The following UBTD1 variants were observed in gnomAD, a reference collection of about 807,000 sequenced individuals.
UBTD1 encodes ubiquitin domain containing 1.
Under a neutral mutation model 21.7 loss-of-function variants are expected in UBTD1, and 19 were observed. The observed-to-expected ratio is 0.87, with a 90% confidence interval of 0.61 to 1.28. The LOEUF is 1.28. UBTD1 is among the 50% of genes most tolerant of loss of function. The pLI is 0.00. For synonymous variants in UBTD1, 116 were observed against 135.1 expected, an observed-to-expected ratio of 0.86 and a Z score of 0.98; for missense variants, 282 against 315.1, an observed-to-expected ratio of 0.89 and a Z score of 0.80.
chr10:97,546,729 G>A (rs77314082), intron 1 of UBTD1, among the ~76,000 whole-genome samples: 4,852 of 152,094 alleles, frequency 0.032, 231 homozygotes, highest in African/African-American at 0.1. Context: ...AGCTCCTCCC[G>A]CCTTGCTCCT....
intron 1 of UBTD1, among the ~76,000 whole-genome samples, chr10:97,561,416 C>G (rs2040692183): frequency 6.6e-6 from 1 of 152,150 alleles, no homozygotes. Flanking sequence ...CAAGCTACTG[C>G]CTTAAAATCC....
chr10:97,559,231 G>A (rs1401281455), intron 1 of UBTD1, among the ~76,000 whole-genome samples: 1 of 152,240 alleles, frequency 6.6e-6, no homozygotes, highest in Non-Finnish European at 1.5e-5. Flanking sequence ...ACTCCAGGCT[G>A]TAGAATTCTG....
At chr10:97,561,170 G>C (rs1313765263) in intron 1 of UBTD1, among the ~76,000 whole-genome samples, 1 of 152,080 alleles carries the variant, frequency 6.6e-6, no homozygotes, top group Non-Finnish European at 1.5e-5. Context: ...GCGTTCCACC[G>C]GGTCAATTTC....
chr10:97,503,250 A>AT (rs1363305445), intron 1 of UBTD1, among the ~76,000 whole-genome samples: 1 of 152,186 alleles, frequency 6.6e-6, no homozygotes, highest in Non-Finnish European at 1.5e-5. Flanking sequence ...CTCTTAATGC[A>AT]TCCCCAGTAG....
Position 97,542,671 on chromosome 10 carries a change from C to T in UBTD1, c.71-25243C>T, listed in dbSNP as rs533178787. ...GCTGCAGTCCCAGGCTGTCTGACTC[C>T]GAAGCCTGTGCTCTTGGCCGGTCGG... On this transcript the variant is annotated intron_variant, in intron 1 of 2. Transcript: ENST00000370664. 1.8e-4 allele frequency among the ~76,000 whole-genome samples: 27 copies of T among 152,314 alleles called. No homozygotes were observed. The East Asian group carries it at 3.3e-3, about 19-fold the overall frequency.
Position 97,510,423 on chromosome 10 carries a change from C to T in UBTD1, c.70+11150C>T, listed in dbSNP as rs2040418893. ...TCCTCCAACTCATTAGCTATGTAAC[C>T]TCGGGTAAGTTATTTTGAATTTTGA... is the stretch of plus-strand genomic sequence containing the variant. On this transcript the variant is annotated intron_variant, in intron 1 of 2. Transcript: ENST00000370664. Among the ~76,000 whole-genome samples, 3 of 152,054 alleles carry T rather than the reference C, an allele frequency of 2.0e-5. No individual in the cohort carries two copies. The South Asian group carries it at 6.2e-4, about 32-fold the overall frequency.
chr10:97,556,615 C>A (rs890097813), intron 1 of UBTD1, among the ~76,000 whole-genome samples: 1 of 152,190 alleles, frequency 6.6e-6, no homozygotes, highest in Non-Finnish European at 1.5e-5. Context: ...TTTCCAATCA[C>A]CTATGGCTAT....
Position 97,532,033 on chromosome 10 carries a change from T to A in UBTD1, c.70+32760T>A, listed in dbSNP as rs149933653. 1.1e-3 allele frequency among the ~76,000 whole-genome samples: 168 copies of A among 152,288 alleles called. 1 individual carries two copies. The highest frequency in any genetic ancestry group is 3.9e-3 in the African/African-American group (162 of 41,564). On this transcript the variant is annotated intron_variant, in intron 1 of 2. Transcript: ENST00000370664. ...CATTGTGATCCTGGGGGCTGGGTAG[T>A]TGGCCATCCTGGCAGGCAGTTGGAG...
chr10:97,551,878 C>G (rs181951064), intron 1 of UBTD1, among the ~76,000 whole-genome samples: 1 of 152,272 alleles, frequency 6.6e-6, no homozygotes, highest in African/African-American at 2.4e-5. Flanking sequence ...TGAAATATAA[C>G]CACTGTTTAC....
At chr10:97,566,296 A>T (rs2040716829) in intron 1 of UBTD1, among the ~76,000 whole-genome samples, 2 of 146,138 alleles carry the variant, frequency 1.4e-5, no homozygotes, top group Non-Finnish European at 3.0e-5. Context: ...TAAAACTATT[A>T]CCTTATTTAT....
At chr10:97,536,255 G>A (rs1419628900) in intron 1 of UBTD1, among the ~76,000 whole-genome samples, 4 of 152,162 alleles carry the variant, frequency 2.6e-5, no homozygotes, top group African/African-American at 9.7e-5. Context: ...GCCTCCCAAA[G>A]TGCTGGGATT....
rs115607068 is a variant in UBTD1, at chr10:97,521,322, A to G, written c.70+22049A>G. Among the ~76,000 whole-genome samples, 458 of 152,264 alleles carry G rather than the reference A, an allele frequency of 3.0e-3. 6 individuals are homozygous for G. The highest frequency in any genetic ancestry group is 0.011 in the African/African-American group (439 of 41,536). On this transcript the variant is annotated intron_variant, in intron 1 of 2. Coordinates refer to ENST00000370664, the MANE Select transcript of UBTD1 (RefSeq NM_024954.5). ...GGAAGTGGCATTTGAGTTCACTTCTAGGTGCTTGGATGCCTGGCACTCATG... is the reference window on the plus strand; with the variant it reads ...GGAAGTGGCATTTGAGTTCACTTCTGGGTGCTTGGATGCCTGGCACTCATG...
chr10:97,501,655 A>G (rs1192460622), intron 1 of UBTD1, among the ~76,000 whole-genome samples: 2 of 152,132 alleles, frequency 1.3e-5, no homozygotes, highest in Non-Finnish European at 2.9e-5. Flanking sequence ...TCCCACTCCT[A>G]CAAGTACTTT....
intron 1 of UBTD1, among the ~76,000 whole-genome samples, chr10:97,562,883 C>G (rs2040699481): frequency 6.6e-6 from 1 of 152,046 alleles, no homozygotes; most frequent in South Asian, 2.1e-4. Flanking sequence ...AAAAACAAAA[C>G]AAAATGGTGG....
At chr10:97,513,325 A>G (rs1350086025) in intron 1 of UBTD1, among the ~76,000 whole-genome samples, 1 of 152,228 alleles carries the variant, frequency 6.6e-6, no homozygotes, top group East Asian at 1.9e-4. Flanking sequence ...ACTTCAAACA[A>G]GACAGCATGT....
rs911253751 is a variant in UBTD1 at position 97,507,966 on chromosome 10, C to A, written c.70+8693C>A. Among the ~76,000 whole-genome samples the A allele has an allele frequency of 2.0e-5, 3 of 152,112 alleles. No homozygotes were observed. The East Asian group carries it at 5.8e-4, about 29-fold the overall frequency. Reference sequence around the variant, plus strand: ...AGGCAGCCAGTCACTAACCAAGTAGCCTGAATCTTAGTTTCCAGCCTGCGC... The same window carrying A: ...AGGCAGCCAGTCACTAACCAAGTAGACTGAATCTTAGTTTCCAGCCTGCGC... On this transcript the variant is annotated intron_variant, in intron 1 of 2. Coordinates refer to ENST00000370664, the MANE Select transcript of UBTD1 (RefSeq NM_024954.5).
intron 1 of UBTD1, among the ~76,000 whole-genome samples, chr10:97,509,912 A>G (rs1240958125): frequency 1.3e-5 from 2 of 150,802 alleles, no homozygotes; most frequent in African/African-American, 4.9e-5. Flanking sequence ...CAGCCTCCCA[A>G]AGTGTTGGGA....
intron 1 of UBTD1, among the ~76,000 whole-genome samples, chr10:97,499,913 C>G (rs2040340692): frequency 6.6e-6 from 1 of 152,138 alleles, no homozygotes; most frequent in Non-Finnish European, 1.5e-5. Context: ...AGATCGCTCG[C>G]TGGTGATCCT....
At chr10:97,500,816 G>A (rs1257447887) in intron 1 of UBTD1, among the ~76,000 whole-genome samples, 1 of 152,046 alleles carries the variant, frequency 6.6e-6, no homozygotes, top group African/African-American at 2.4e-5. Context: ...TTGTCCATTG[G>A]GAATACCCCT....
Sources: allele counts gnomAD v4.1 joint callset (sites outside exome capture counted in the v4.1 genomes callset), GRCh38; gene constraint gnomAD v4.1.1; transcripts MANE v1.5; gene names NCBI Gene and HGNC (gene_info 2026-07-23, HGNC 2026-07-21).